KAT2B: variants seen among roughly 807,000 people sequenced by gnomAD.
KAT2B encodes the protein lysine acetyltransferase 2B.
KAT2B carries 36 observed loss-of-function variants against 105.9 expected under a neutral mutation model. That is an observed-to-expected ratio of 0.34 (90% CI 0.26 to 0.45). KAT2B has a LOEUF of 0.45. KAT2B is among the 20% of genes least tolerant of loss of function. KAT2B has a pLI of 1.00. For synonymous variants in KAT2B, 397 were observed against 377.9 expected, an observed-to-expected ratio of 1.05 and a Z score of -0.59; for missense variants, 820 against 1,021.6, an observed-to-expected ratio of 0.80 and a Z score of 2.69.
At chr3:20,082,973 C>T (rs17006540) in intron 2 of KAT2B, among the ~76,000 whole-genome samples, 7,471 of 152,196 alleles carry the variant, frequency 0.049, 588 homozygotes, top group African/African-American at 0.17. Flanking sequence ...CTGGGCCTTC[C>T]GTTGAATGCA....
intron 7 of KAT2B, among the ~76,000 whole-genome samples, chr3:20,115,957 GT>G (rs1399480609): frequency 6.6e-6 from 1 of 152,172 alleles, no homozygotes; most frequent in African/African-American, 2.4e-5. Flanking sequence ...TGAACCTCAA[GT>G]TTAGGTGTAA....
At position 20,149,495 on chromosome 3, in the gene KAT2B, C is replaced by CAAAAAAA. The variant is rs56091316; in HGVS notation, c.2305+1027_2305+1033dup. On this transcript the variant is annotated intron_variant, in intron 17 of 17. Transcript: ENST00000263754. Reference sequence around the variant, plus strand: ...TGGGCACTGGAGGGAGACCGTATCTCAAAAAAAAAAAAAAAAAAAAAAAAA... The same window carrying CAAAAAAA: ...TGGGCACTGGAGGGAGACCGTATCTCAAAAAAAAAAAAAAAAAAAAAAAAAAAAAAAA... 2.5e-3 allele frequency among the ~76,000 whole-genome samples: 108 copies of CAAAAAAA among 42,434 alleles called. 10 individuals carry two copies. The South Asian group carries it at 0.026, about 10-fold the overall frequency. 27.8% of individuals were successfully genotyped at this position (42,434 alleles called of 152,430 possible).
At chr3:20,056,350 G>A (rs934969022) in intron 1 of KAT2B, among the ~76,000 whole-genome samples, 1 of 152,166 alleles carries the variant, frequency 6.6e-6, no homozygotes, top group Non-Finnish European at 1.5e-5. Flanking sequence ...CTGAATGGAT[G>A]GTAGTTCCAT....
chr3:20,121,713 C>T lies in KAT2B; in HGVS notation c.1277-955C>T, dbSNP rs552765704. 4.1e-3 allele frequency among the ~76,000 whole-genome samples: 599 copies of T among 146,414 alleles called. 3 individuals carry two copies. Among genetic ancestry groups the T allele is most frequent in the Middle Eastern group, 0.011 (3 of 278 alleles). ...TAGCTATATATACATAATATATATG[C>T]ATACATACACATATGCATATGTGTG... On this transcript the variant is annotated intron_variant, in intron 8 of 17. Transcript: ENST00000263754.
At chr3:20,067,828 C>G (rs1179704274) in intron 1 of KAT2B, among the ~76,000 whole-genome samples, 1 of 151,134 alleles carries the variant, frequency 6.6e-6, no homozygotes, top group East Asian at 2.0e-4. Flanking sequence ...GTGCCCACCA[C>G]CACACCTGGC....
In KAT2B at chr3:20,089,352, A is replaced by G. The variant is rs1407633002; in HGVS notation, c.431-5911A>G. Among the ~76,000 whole-genome samples, 9 of 148,520 alleles carry G rather than the reference A, an allele frequency of 6.1e-5. 1 individual carries two copies. The South Asian group carries it at 1.5e-3, about 25-fold the overall frequency. ...CATTTTAACAGTATTAATTCTTCCA[A>G]TCTGTGAACATAAAAGATATCTTAT... On this transcript the variant is annotated intron_variant, in intron 2 of 17. Transcript: ENST00000263754.
chr3:20,096,707 C>G (rs535057132), intron 3 of KAT2B, among the ~76,000 whole-genome samples: 1 of 152,186 alleles, frequency 6.6e-6, no homozygotes, highest in South Asian at 2.1e-4. Context: ...CCCTCTTTTG[C>G]TTTGGCTGCT....
chr3:20,092,235 A>ATTTATTT (rs76281300), intron 2 of KAT2B, among the ~76,000 whole-genome samples: 26,741 of 103,612 alleles, frequency 0.26, 2,674 homozygotes, highest in East Asian at 0.51. Context: ...TTATTTATTT[A>ATTTATTT]TTTATTTATT....
At chr3:20,086,417 G>A (rs80259727) in intron 2 of KAT2B, among the ~76,000 whole-genome samples, 1 of 152,246 alleles carries the variant, frequency 6.6e-6, no homozygotes, top group East Asian at 1.9e-4. Flanking sequence ...TGGGCAACAT[G>A]GTGAAACTTT....
At chr3:20,145,832 A>T (rs2125196399) in intron 13 of KAT2B, among the ~76,000 whole-genome samples, 1 of 152,290 alleles carries the variant, frequency 6.6e-6, no homozygotes. Flanking sequence ...AAATTTAAAT[A>T]GTAAAGCTTT....
intron 1 of KAT2B, among the ~76,000 whole-genome samples, chr3:20,049,147 A>C (rs1697869377): frequency 6.6e-6 from 1 of 152,172 alleles, no homozygotes; most frequent in South Asian, 2.1e-4. Context: ...GGTGTGAGCC[A>C]CCGCGCCTGG....
intron 2 of KAT2B, 145 bp from the exon 3 acceptor site, chr3:20,095,118 A>G (rs1698785915): frequency 8.0e-6 from 5 of 625,820 alleles, no homozygotes; most frequent in East Asian, 5.5e-5. Flanking sequence ...CTTCAGTCCT[A>G]CAGGAGTTCA....
At chr3:20,045,338 T>C (rs1238929886) in intron 1 of KAT2B, among the ~76,000 whole-genome samples, 2 of 143,958 alleles carry the variant, frequency 1.4e-5, no homozygotes, top group Non-Finnish European at 3.0e-5. Flanking sequence ...TTTATTTATT[T>C]ATTTATTTAT....
intron 11 of KAT2B, among the ~76,000 whole-genome samples, chr3:20,127,753 A>G (rs1047930284): frequency 5.9e-5 from 9 of 152,182 alleles, no homozygotes; most frequent in Admixed American, 2.6e-4. Flanking sequence ...CAATTTTTCC[A>G]CGGGTCAGAT....
chr3:20,099,286 C>T (rs755706566), intron 3 of KAT2B, among the ~76,000 whole-genome samples: 3 of 152,192 alleles, frequency 2.0e-5, no homozygotes, highest in Non-Finnish European at 4.4e-5. Context: ...GAAAGTTGCC[C>T]ATTTAGAGCT....
At chr3:20,140,763 A>G (rs1023956938) in intron 13 of KAT2B, among the ~76,000 whole-genome samples, 1 of 152,060 alleles carries the variant, frequency 6.6e-6, no homozygotes, top group Non-Finnish European at 1.5e-5. Flanking sequence ...AATTGTTGGG[A>G]TTACAGGTGT....
chr3:20,152,268 C>T (rs1322567277), intron 17 of KAT2B, 64 bp from the exon 18 acceptor site: 2 of 1,121,574 alleles, frequency 1.8e-6, no homozygotes, highest in East Asian at 2.4e-5. Context: ...TTTCCCAGTC[C>T]CAGTTTTGTC....
chr3:20,093,765 C>G (rs1298084352), intron 2 of KAT2B, among the ~76,000 whole-genome samples: 1 of 152,198 alleles, frequency 6.6e-6, no homozygotes, highest in Non-Finnish European at 1.5e-5. Flanking sequence ...AGCCAGCACA[C>G]TTAGAGCTAT....
At chr3:20,082,814 AG>A (rs1231491109) in intron 2 of KAT2B, among the ~76,000 whole-genome samples, 3 of 152,232 alleles carry the variant, frequency 2.0e-5, no homozygotes, top group Admixed American at 1.3e-4. Context: ...ATTTGCAATG[AG>A]TATGGCAGAC....
Sources: gnomAD v4.1 joint callset for allele counts (sites outside exome capture counted in the v4.1 genomes callset) on GRCh38, gnomAD v4.1.1 for gene constraint, MANE v1.5 for transcripts, NCBI Gene and HGNC (gene_info 2026-07-23, HGNC 2026-07-21) for gene names.